The following GPC5 variants were observed in gnomAD, a reference collection of about 807,000 sequenced individuals.
The protein encoded by GPC5 is glypican 5.
A neutral mutation model predicts 53.9 loss-of-function variants in GPC5; 47 were observed. The ratio of observed to expected loss-of-function variants is 0.87; its 90% CI spans 0.69 to 1.11. GPC5 has a LOEUF of 1.11. Among genes scored for constraint, GPC5 ranks in the 50% most tolerant of loss-of-function variants. The pLI, the probability that GPC5 is intolerant of heterozygous loss-of-function variation, is 0.00. For missense variants in GPC5, 748 were observed against 713.1 expected (o/e 1.05, Z -0.56); for synonymous variants, 286 against 263.3 (o/e 1.09, Z -0.84).
At chr13:92,027,772 A>G (rs1309129683) in intron 6 of GPC5, among the ~76,000 whole-genome samples, 2 of 152,200 alleles carry the variant, frequency 1.3e-5, no homozygotes, top group Non-Finnish European at 2.9e-5. Flanking sequence ...AGATGAATAA[A>G]AGCAGTGAAT....
intron 7 of GPC5, among the ~76,000 whole-genome samples, chr13:92,561,060 T>C (rs1443531549): frequency 1.3e-5 from 2 of 151,938 alleles, no homozygotes; most frequent in Non-Finnish European, 2.9e-5. Context: ...ACCACATTTG[T>C]GGAATGAGCA....
chr13:92,527,239 AAGAAAGAAAGAGAAAGAAAGAAAGAAAG>A (rs1377808711), intron 7 of GPC5, among the ~76,000 whole-genome samples: 1 of 40,360 alleles, frequency 2.5e-5, no homozygotes, highest in African/African-American at 1.3e-4. Context: ...GAAAGAAAGA[AAGAAAGAAAGAGAAAGAAAGAAAGAAAG>A]AAAGAAAGAA....
At chr13:92,765,520 G>T (rs1006074790) in intron 7 of GPC5, among the ~76,000 whole-genome samples, 2 of 152,306 alleles carry the variant, frequency 1.3e-5, no homozygotes, top group East Asian at 3.9e-4. Context: ...TTACAGGTGT[G>T]ACACGGAGTG....
chr13:92,377,439 A>G (rs2043704085), intron 7 of GPC5, among the ~76,000 whole-genome samples: 1 of 152,204 alleles, frequency 6.6e-6, no homozygotes, highest in African/African-American at 2.4e-5. Flanking sequence ...AAAGGAATAA[A>G]TTAATTGTCT....
rs549394545 is a variant in GPC5, at chr13:91,467,440, A to C, written c.325+18518A>C. On this transcript the variant is annotated intron_variant, in intron 2 of 7. Coordinates refer to ENST00000377067, the MANE Select transcript of GPC5 (RefSeq NM_004466.6). Reference sequence around the variant, plus strand: ...TTGCGATTAATTTAATTTCCTGAGAATCTGTGCTCATATCCTTTCTCATTC... The same window carrying C: ...TTGCGATTAATTTAATTTCCTGAGACTCTGTGCTCATATCCTTTCTCATTC... Among the ~76,000 whole-genome samples, 73 of 152,172 alleles carry C rather than the reference A, an allele frequency of 4.8e-4. 1 individual carries two copies. The highest frequency in any genetic ancestry group is 3.4e-3 in the Middle Eastern group (1 of 294).
At chr13:92,148,550 G>A (rs2041884556) in intron 7 of GPC5, among the ~76,000 whole-genome samples, 1 of 152,014 alleles carries the variant, frequency 6.6e-6, no homozygotes, top group African/African-American at 2.4e-5. Context: ...TTAAGTAACT[G>A]ATTTCAGTAG....
At chr13:91,887,271 T>G (rs9589364) in intron 5 of GPC5, among the ~76,000 whole-genome samples, 4,182 of 152,218 alleles carry the variant, frequency 0.027, 199 homozygotes, top group African/African-American at 0.094. Flanking sequence ...AAGCCATGGG[T>G]GGAGCGGCTG....
At chr13:92,487,795 G>A (rs1457812770) in intron 7 of GPC5, among the ~76,000 whole-genome samples, 2 of 148,466 alleles carry the variant, frequency 1.3e-5, no homozygotes, top group African/African-American at 5.0e-5. Flanking sequence ...ATGCTTTTCT[G>A]TGAAGAAAAT....
chr13:92,171,805 C>T (rs1265258751), intron 7 of GPC5, among the ~76,000 whole-genome samples: 1 of 152,186 alleles, frequency 6.6e-6, no homozygotes, highest in Non-Finnish European at 1.5e-5. Context: ...CTGAAACTCA[C>T]ACACATATAT....
chr13:92,701,053 G>C (rs1316331502), intron 7 of GPC5, among the ~76,000 whole-genome samples: 1 of 151,946 alleles, frequency 6.6e-6, no homozygotes, highest in Non-Finnish European at 1.5e-5. Flanking sequence ...TTAAGACTTT[G>C]ACATCATGCT....
chr13:92,775,187 C>A (rs1044939288), intron 7 of GPC5, among the ~76,000 whole-genome samples: 2 of 152,102 alleles, frequency 1.3e-5, no homozygotes, highest in African/African-American at 4.8e-5. Context: ...AAACAGAGCT[C>A]TTTAATAAGC....
chr13:91,765,262 GC>G (rs1242949936), intron 5 of GPC5, among the ~76,000 whole-genome samples: 1 of 152,228 alleles, frequency 6.6e-6, no homozygotes, highest in Non-Finnish European at 1.5e-5. Flanking sequence ...ATGAGGGAAT[GC>G]CGTAGCAGTT....
chr13:91,877,985 C>G (rs1193430912), intron 5 of GPC5, among the ~76,000 whole-genome samples: 1 of 152,136 alleles, frequency 6.6e-6, no homozygotes, highest in African/African-American at 2.4e-5. Context: ...TGCTTCTTCT[C>G]CCATTTTTCT....
intron 6 of GPC5, among the ~76,000 whole-genome samples, chr13:92,037,398 C>T (rs936868296): frequency 2.6e-5 from 4 of 152,168 alleles, no homozygotes; most frequent in African/African-American, 9.7e-5. Context: ...ACCTGTTTTA[C>T]AGTCACCTCT....
chr13:91,652,062 C>A (rs1432784068), intron 2 of GPC5, among the ~76,000 whole-genome samples: 1 of 152,188 alleles, frequency 6.6e-6, no homozygotes, highest in Non-Finnish European at 1.5e-5. Flanking sequence ...AGAAACACTG[C>A]TTCAAATATT....
intron 6 of GPC5, among the ~76,000 whole-genome samples, chr13:92,054,616 T>A (rs1425027650): frequency 6.6e-6 from 1 of 152,170 alleles, no homozygotes; most frequent in Non-Finnish European, 1.5e-5. Flanking sequence ...TTGAACCCAG[T>A]GAGTTACACA....
At chr13:92,842,658 T>TG (rs1878468998) in intron 7 of GPC5, among the ~76,000 whole-genome samples, 1 of 124,144 alleles carries the variant, frequency 8.1e-6, no homozygotes, top group African/African-American at 3.1e-5. Flanking sequence ...CATAATTGTT[T>TG]TTTTTTTTTT....
rs553107951 is a variant in GPC5, at chr13:92,557,308, T to C, written c.1562-308974T>C. Among the ~76,000 whole-genome samples the C allele has an allele frequency of 3.9e-5, 6 of 151,950 alleles. No homozygotes were observed. In the South Asian group the frequency reaches 8.3e-4, roughly 21 times the overall value. On this transcript the variant is annotated intron_variant, in intron 7 of 7. Transcript: ENST00000377067. ...TCTTACCATGTTGATGTGGTTAAAG[T>C]TGGATTTTTTAAAAAGCTACGTAGA...
chr13:91,879,682 C>G (rs759510133), intron 5 of GPC5, among the ~76,000 whole-genome samples: 1 of 152,202 alleles, frequency 6.6e-6, no homozygotes, highest in Non-Finnish European at 1.5e-5. Context: ...AAAACCCTCA[C>G]ATTGGCGGTT....
Sources: gnomAD v4.1 joint callset for allele counts (sites outside exome capture counted in the v4.1 genomes callset) on GRCh38, gnomAD v4.1.1 for gene constraint, MANE v1.5 for transcripts, NCBI Gene and HGNC (gene_info 2026-07-23, HGNC 2026-07-21) for gene names.